The following C1orf105 variants were observed in gnomAD, a reference collection of about 807,000 sequenced individuals.
The protein encoded by C1orf105 is uncharacterized protein C1orf105.
Under a neutral mutation model 20.8 loss-of-function variants are expected in C1orf105, and 17 were observed. The observed-to-expected ratio is 0.82, with a 90% CI of 0.56 to 1.23. The LOEUF is 1.23. Ranked by LOEUF, C1orf105 falls within the 50% of genes most tolerant of loss-of-function variation. The probability of loss-of-function intolerance (pLI) is 0.00; values close to 1 mark genes in which losing one functional copy is unlikely to be tolerated. For synonymous variants in C1orf105, 72 were observed against 72.1 expected (o/e 1.00, Z 0.01); for missense variants, 219 against 213.5 (o/e 1.03, Z -0.16).
chr1:172,421,952 G>A (rs1001134955), intron 1 of C1orf105, among the ~76,000 whole-genome samples: 4 of 152,156 alleles, frequency 2.6e-5, no homozygotes, highest in Admixed American at 2.6e-4. Context: ...CTTAGCCAGA[G>A]GAGAATTGCC....
chr1:172,464,195 G>T (rs1182068547), intron 5 of C1orf105, among the ~76,000 whole-genome samples: 1 of 152,220 alleles, frequency 6.6e-6, no homozygotes, highest in Non-Finnish European at 1.5e-5. Context: ...TTGAATTGTA[G>T]AATAGACAGA....
At chr1:172,444,882 A>T (rs1318484356) in intron 1 of C1orf105, among the ~76,000 whole-genome samples, 191 bp from the exon 2 acceptor site, 1 of 152,332 alleles carries the variant, frequency 6.6e-6, no homozygotes, top group East Asian at 1.9e-4. Flanking sequence ...CTGAGCTTTG[A>T]TTTCTTCATC....
intron 1 of C1orf105, among the ~76,000 whole-genome samples, chr1:172,434,860 A>G (rs1483523127): frequency 7.1e-6 from 1 of 140,120 alleles, no homozygotes; most frequent in Non-Finnish European, 1.6e-5. Context: ...AGCAAGACTA[A>G]TAAAGAAGAA....
chr1:172,431,285 A>G, intron 1 of C1orf105: 1 of 441,720 alleles, frequency 2.3e-6, no homozygotes, highest in Middle Eastern at 5.7e-4. Context: ...AAGGAAATTA[A>G]AAGTGGTACT....
Position 172,452,663 on chromosome 1 carries a change from G to A in C1orf105, c.199-3752G>A, listed in dbSNP as rs138170807. ...GCCCTTAGACACCGCAGCAGATATT[G>A]TCCTAGGGTATGAGGATGTTTCCAA... On this transcript the variant is annotated intron_variant, in intron 3 of 6. Transcript: ENST00000367727. 6.8e-4 allele frequency: 341 copies of A among 500,046 alleles called. 2 individuals are homozygous for A. The highest frequency in any genetic ancestry group is 6.1e-3 in the African/African-American group (294 of 48,004). The allele number at this position is 500,046 out of a possible 1,614,324, so 31.0% of individuals were successfully genotyped here. A position where few individuals can be genotyped will look rare whatever the true frequency, so the allele number is the denominator to read the frequency against.
chr1:172,437,649 G>A (rs1281064495), intron 1 of C1orf105, among the ~76,000 whole-genome samples: 5 of 149,370 alleles, frequency 3.3e-5, no homozygotes, highest in Non-Finnish European at 7.4e-5. Flanking sequence ...CGAGTTGATG[G>A]GTACAGCAAA....
intron 5 of C1orf105, among the ~76,000 whole-genome samples, chr1:172,464,542 T>C (rs1300139227): frequency 2.0e-5 from 3 of 152,078 alleles, no homozygotes. Context: ...CCAGGAGAAA[T>C]AGGATGTGGT....
intron 2 of C1orf105, among the ~76,000 whole-genome samples, chr1:172,446,763 GT>G (rs1458758220): frequency 1.3e-5 from 2 of 152,082 alleles, no homozygotes; most frequent in Non-Finnish European, 2.9e-5. Context: ...GGCAGCACCT[GT>G]TCACTTTCAT....
chr1:172,463,521 A>G (rs1378785742), intron 5 of C1orf105, among the ~76,000 whole-genome samples: 1 of 152,228 alleles, frequency 6.6e-6, no homozygotes, highest in African/African-American at 2.4e-5. Context: ...TCCATCACTA[A>G]TAACATTTAC....
At chr1:172,433,398 A>G (rs1162799914) in intron 1 of C1orf105, among the ~76,000 whole-genome samples, 1 of 152,254 alleles carries the variant, frequency 6.6e-6, no homozygotes, top group Admixed American at 6.5e-5. Flanking sequence ...GACTAACAGT[A>G]GACCTCTCAG....
At chr1:172,457,636 C>T (rs1191206706) in intron 4 of C1orf105, among the ~76,000 whole-genome samples, 1 of 152,172 alleles carries the variant, frequency 6.6e-6, no homozygotes, top group Admixed American at 6.5e-5. Flanking sequence ...TTCCTGGAAT[C>T]CCTTGTGTCC....
intron 4 of C1orf105, 34 bp from the exon 5 acceptor site, chr1:172,462,144 C>T (rs770262723): frequency 6.7e-7 from 1 of 1,497,158 alleles, no homozygotes; most frequent in Admixed American, 1.8e-5. Context: ...AATGCAGTTA[C>T]AGGCAACGTT....
At chr1:172,428,694 C>T in intron 1 of C1orf105, 2 of 601,136 alleles carry the variant, frequency 3.3e-6, no homozygotes, top group Admixed American at 3.2e-5. Flanking sequence ...TTTCTTTTTT[C>T]CATAGCACTT....
At chr1:172,446,005 T>G (rs1043568260) in intron 2 of C1orf105, among the ~76,000 whole-genome samples, 1 of 152,176 alleles carries the variant, frequency 6.6e-6, no homozygotes, top group African/African-American at 2.4e-5. Flanking sequence ...GATAAGTGAC[T>G]TCATAAGCAA....
At chr1:172,455,052 A>T (rs913954915) in intron 3 of C1orf105, among the ~76,000 whole-genome samples, 3 of 152,226 alleles carry the variant, frequency 2.0e-5, no homozygotes, top group African/African-American at 7.2e-5. Flanking sequence ...TTTACTGTTG[A>T]ATGAATGAAT....
At position 172,465,368 on chromosome 1, in the gene C1orf105, G is replaced by T. The variant is rs775050977; in HGVS notation, c.406+5G>T. ...TCCATGATGACATCCCAACAGGTTT[G>T]CTTTCTTTTAGAGTACTTATAGTGT... On this transcript the variant is annotated splice_donor_5th_base_variant and intron_variant, in intron 6 of 6. Transcript: ENST00000367727. The T allele has an allele frequency of 1.2e-6, 2 of 1,605,286 alleles. No homozygotes were observed. Among genetic ancestry groups the T allele is most frequent in the South Asian group, 2.2e-5 (2 of 90,874 alleles).
At chr1:172,455,840 G>A (rs965870394) in intron 3 of C1orf105, among the ~76,000 whole-genome samples, 1 of 152,240 alleles carries the variant, frequency 6.6e-6, no homozygotes, top group South Asian at 2.1e-4. Flanking sequence ...CTGCTTAGGA[G>A]GTACAGAAGG....
chr1:172,424,244 G>A (rs1039679445), intron 1 of C1orf105, among the ~76,000 whole-genome samples: 2 of 152,356 alleles, frequency 1.3e-5, no homozygotes, highest in Admixed American at 1.3e-4. Flanking sequence ...AGACCAAAGA[G>A]ACTTAAGGAT....
At chr1:172,424,617 C>T (rs2071677591) in intron 1 of C1orf105, among the ~76,000 whole-genome samples, 1 of 152,166 alleles carries the variant, frequency 6.6e-6, no homozygotes, top group South Asian at 2.1e-4. Context: ...TCTTAAACTC[C>T]TGACCTCAAG....
Sources: gnomAD v4.1 joint callset for allele counts (sites outside exome capture counted in the v4.1 genomes callset) on GRCh38, gnomAD v4.1.1 for gene constraint, MANE v1.5 for transcripts, NCBI Gene and HGNC (gene_info 2026-07-23, HGNC 2026-07-21) for gene names.